CACNA1C: variants seen among roughly 807,000 people sequenced by gnomAD.
CACNA1C encodes the protein voltage-dependent L-type calcium channel subunit alpha-1C.
Under a neutral mutation model 229.0 loss-of-function variants are expected in CACNA1C, and 30 were observed. The ratio of observed to expected loss-of-function variants is 0.13; its 90% CI spans 0.10 to 0.18. The LOEUF is 0.18. CACNA1C is among the 10% of genes least tolerant of loss of function. The probability of loss-of-function intolerance (pLI) is 1.00; values close to 1 mark genes in which losing one functional copy is unlikely to be tolerated. For synonymous variants in CACNA1C, 1,114 were observed against 1,132.5 expected, an observed-to-expected ratio of 0.98 and a Z score of 0.33; for missense variants, 1,658 against 2,845.0, an observed-to-expected ratio of 0.58 and a Z score of 9.49.
chr12:2,201,316 C>G (rs151261884), intron 3 of CACNA1C, among the ~76,000 whole-genome samples: 1 of 152,316 alleles, frequency 6.6e-6, no homozygotes, highest in East Asian at 1.9e-4. Flanking sequence ...TTAATTTCCT[C>G]AATAATAGTT....
intron 13 of CACNA1C, among the ~76,000 whole-genome samples, chr12:2,571,166 T>C (rs1317154511): frequency 6.6e-6 from 1 of 152,168 alleles, no homozygotes; most frequent in East Asian, 1.9e-4. Flanking sequence ...TAGAGAGTTG[T>C]CAGTTGCCCA....
At position 2,677,684 on chromosome 12, in the gene CACNA1C, C is replaced by CTTGGAGGA. The variant is rs398102378; in HGVS notation, c.4957-48_4957-41dup. The CTTGGAGGA allele has an allele frequency of 2.8e-3, 4,474 of 1,581,516 alleles. 120 individuals carry two copies. The African/African-American group carries it at 0.053, about 19-fold the overall frequency. ...CCCGAGGCTGTGGCTGGCTGGGGAG[C>CTTGGAGGA]TTGGAGGAAAGGGAGCGTGGTCCTC... On this transcript the variant is annotated intron_variant, in intron 40 of 46. Coordinates refer to ENST00000399655, the MANE Select transcript of CACNA1C (RefSeq NM_000719.7). The surrounding 1 kb of genome is among the most constrained non-coding windows in gnomAD (Gnocchi z 7.4).
intron 11 of CACNA1C, among the ~76,000 whole-genome samples, chr12:2,565,316 A>G (rs937818977): frequency 1.1e-4 from 17 of 150,022 alleles, no homozygotes; most frequent in Admixed American, 1.1e-3. Flanking sequence ...AAATACAAAA[A>G]ATTAGCCGGG....
At chr12:1,977,287 A>G (rs1005367212) in intron 1 of CACNA1C, among the ~76,000 whole-genome samples, 1 of 152,164 alleles carries the variant, frequency 6.6e-6, no homozygotes, top group Admixed American at 6.5e-5. Context: ...GGTGAATCAC[A>G]CAGTTCAGCT....
At chr12:2,178,001 C>T (rs745992143) in intron 3 of CACNA1C, among the ~76,000 whole-genome samples, 55 of 152,092 alleles carry the variant, frequency 3.6e-4, no homozygotes, top group Admixed American at 1.0e-3. Flanking sequence ...ATGAGACACA[C>T]CAAGGGAGGT....
At chr12:2,221,467 G>C (rs969248572) in intron 3 of CACNA1C, 4 of 152,248 alleles carry the variant, frequency 2.6e-5, no homozygotes, top group African/African-American at 9.7e-5. Flanking sequence ...AGAGTTGCCA[G>C]GGCCTGCTGG....
At chr12:2,524,787 A>C (rs1453276886) in intron 9 of CACNA1C, among the ~76,000 whole-genome samples, 1 of 152,196 alleles carries the variant, frequency 6.6e-6, no homozygotes, top group Non-Finnish European at 1.5e-5. Context: ...GCGACACACC[A>C]TCGGCCGGAA....
intron 3 of CACNA1C, among the ~76,000 whole-genome samples, chr12:2,399,899 C>T (rs1236712654): frequency 6.6e-6 from 1 of 152,180 alleles, no homozygotes; most frequent in Non-Finnish European, 1.5e-5. Flanking sequence ...TTCCTGTCTC[C>T]TGCTTTTTGG....
chr12:2,114,956 G>T lies in CACNA1C; in HGVS notation c.50-268G>T, dbSNP rs545400220. On this transcript the variant is annotated intron_variant, in intron 1 of 46. Transcript: ENST00000399655. ...GAGGTCCATACGTGCTGTAATGCAC[G>T]GATCTCATCTCTTGCCCACCTAAGG... is the stretch of plus-strand genomic sequence containing the variant. 1.1e-4 allele frequency among the ~76,000 whole-genome samples: 17 copies of T among 152,278 alleles called. No homozygotes were observed. In the East Asian group the frequency reaches 2.9e-3, roughly 26 times the overall value.
intron 39 of CACNA1C, among the ~76,000 whole-genome samples, chr12:2,675,239 A>G (rs1179015784): frequency 1.3e-5 from 2 of 152,228 alleles, no homozygotes; most frequent in African/African-American, 4.8e-5. Context: ...TCACTCTAAC[A>G]TAAAATCTAT....
At chr12:2,546,440 T>C (rs1306042666) in intron 9 of CACNA1C, among the ~76,000 whole-genome samples, 6 of 152,014 alleles carry the variant, frequency 3.9e-5, no homozygotes, top group African/African-American at 1.4e-4. Context: ...CACACTATTC[T>C]GTGCAGTTGC....
intron 1 of CACNA1C, among the ~76,000 whole-genome samples, chr12:2,109,619 C>G (rs1268722156): frequency 6.6e-6 from 1 of 152,226 alleles, no homozygotes; most frequent in South Asian, 2.1e-4. Context: ...TTGAAGGGAT[C>G]TAACTAGGGG....
At chr12:2,032,852 C>T (rs2470444) in intron 1 of CACNA1C, among the ~76,000 whole-genome samples, 1,580 of 152,294 alleles carry the variant, frequency 0.01, 32 homozygotes, top group African/African-American at 0.035. Context: ...ATTTATAGAA[C>T]GAGGTCCTGA....
chr12:2,313,099 T>G (rs1447991088), intron 3 of CACNA1C, among the ~76,000 whole-genome samples: 1 of 152,142 alleles, frequency 6.6e-6, no homozygotes, highest in African/African-American at 2.4e-5. Flanking sequence ...TCAGTTTATA[T>G]CAATCAGAGT....
At position 2,608,879 on chromosome 12, in the gene CACNA1C, A is replaced by G. The variant is rs1346874509; in HGVS notation, c.3558+167A>G. Among the ~76,000 whole-genome samples, 6 of 152,252 alleles carry G rather than the reference A, an allele frequency of 3.9e-5. No individual in the cohort carries two copies. Among genetic ancestry groups the G allele is most frequent in the Admixed American group, 6.5e-5 (1 of 15,294 alleles). ...GTCAGTCTTTTTGAGGGACCTGTGC[A>G]AAAGAAATGCAAATTCCTGCAAACC... On this transcript the variant is annotated intron_variant, in intron 27 of 46. Transcript: ENST00000399655. This position sits in a 1 kb window ranked among gnomAD's most constrained non-coding sequence, Gnocchi z 4.2.
chr12:2,442,180 T>C (rs531375815), intron 3 of CACNA1C, among the ~76,000 whole-genome samples: 2 of 152,228 alleles, frequency 1.3e-5, no homozygotes, highest in East Asian at 3.9e-4. Context: ...TATAATGTAG[T>C]TGAAAAGAGT....
intron 3 of CACNA1C, among the ~76,000 whole-genome samples, chr12:2,137,030 G>T (rs2154185051): frequency 6.6e-6 from 1 of 151,548 alleles, no homozygotes; most frequent in South Asian, 2.1e-4. Context: ...GTGGTTGGCA[G>T]GGCTCAGAGC....
intron 1 of CACNA1C, among the ~76,000 whole-genome samples, chr12:1,980,754 G>A (rs1357429473): frequency 6.6e-6 from 1 of 151,110 alleles, no homozygotes; most frequent in Non-Finnish European, 1.5e-5. Context: ...TTCATTTGCA[G>A]ATAAAACATC....
At position 2,067,359 on chromosome 12, in the gene CACNA1C, G is replaced by A. The variant is rs1401916329; in HGVS notation, c.49+13748G>A. ...AAGGGCCAGGTGGACTTTCTTTGGG[G>A]AGCATAACAGGAAGAAGATGACAAA... is the stretch of plus-strand genomic sequence containing the variant. On this transcript the variant is annotated intron_variant, in intron 1 of 46. Transcript: ENST00000399655. This position sits in a 1 kb window ranked among gnomAD's most constrained non-coding sequence, Gnocchi z 5.3. Among the ~76,000 whole-genome samples, 2 of 152,016 alleles carry A rather than the reference G, an allele frequency of 1.3e-5. No individual in the cohort carries two copies. The highest frequency in any genetic ancestry group is 2.9e-5 in the Non-Finnish European group (2 of 68,002).
Sources: allele counts gnomAD v4.1 joint callset (sites outside exome capture counted in the v4.1 genomes callset), GRCh38; gene constraint gnomAD v4.1.1; non-coding constraint Gnocchi (gnomAD v3.1); transcripts MANE v1.5; gene names NCBI Gene and HGNC (gene_info 2026-07-23, HGNC 2026-07-21).